RAB6B: variants seen among roughly 807,000 people sequenced by gnomAD.
RAB6B encodes the protein RAB6B, member RAS oncogene family.
Under a neutral mutation model 31.2 loss-of-function variants are expected in RAB6B, and 7 were observed. That is an observed-to-expected ratio of 0.22 (90% CI 0.13 to 0.42). The LOEUF (loss-of-function observed/expected upper bound fraction) is 0.42. RAB6B is among the 10% of genes least tolerant of loss of function. The probability of loss-of-function intolerance (pLI) is 1.00; values close to 1 mark genes in which losing one functional copy is unlikely to be tolerated. For synonymous variants in RAB6B, 105 were observed against 104.9 expected, an observed-to-expected ratio of 1.00 and a Z score of -0.01; for missense variants, 149 against 280.6, an observed-to-expected ratio of 0.53 and a Z score of 3.35.
At chr3:133,889,168 C>A (rs1254246880) in intron 1 of RAB6B, among the ~76,000 whole-genome samples, 2 of 151,908 alleles carry the variant, frequency 1.3e-5, no homozygotes, top group Non-Finnish European at 2.9e-5. Context: ...AACCAGACAG[C>A]CCTACACATT....
intron 2 of RAB6B, among the ~76,000 whole-genome samples, chr3:133,859,004 G>A (rs1936121518): frequency 6.6e-6 from 1 of 152,090 alleles, no homozygotes; most frequent in Non-Finnish European, 1.5e-5. Flanking sequence ...ATTGAAATAG[G>A]GTCTTGCTCT....
chr3:133,878,162 T>C (rs994853682), intron 1 of RAB6B, among the ~76,000 whole-genome samples: 9 of 151,858 alleles, frequency 5.9e-5, no homozygotes, highest in Non-Finnish European at 1.3e-4. Context: ...TACTCCAAAA[T>C]TAAAGAAAAC....
chr3:133,853,690 G>A (rs1411208192), intron 2 of RAB6B, among the ~76,000 whole-genome samples: 4 of 152,050 alleles, frequency 2.6e-5, no homozygotes, highest in Admixed American at 2.6e-4. Flanking sequence ...CACCAACACT[G>A]GATTGGGAGT....
intron 4 of RAB6B, among the ~76,000 whole-genome samples, chr3:133,840,077 G>C (rs887425870): frequency 6.6e-6 from 1 of 152,092 alleles, no homozygotes; most frequent in Non-Finnish European, 1.5e-5. Flanking sequence ...CTCTAGGGAA[G>C]GAAGGGCCCT....
intron 1 of RAB6B, among the ~76,000 whole-genome samples, chr3:133,893,766 C>G (rs1479400478): frequency 1.3e-5 from 2 of 152,168 alleles, no homozygotes; most frequent in Non-Finnish European, 2.9e-5. Context: ...AACCCCCAGG[C>G]TGCCTGATCC....
At chr3:133,889,415 TATATATATATATATATATATATA>T (rs1936602098) in intron 1 of RAB6B, among the ~76,000 whole-genome samples, 1 of 57,522 alleles carries the variant, frequency 1.7e-5, no homozygotes, top group African/African-American at 7.2e-5. Flanking sequence ...TATATATATA[TATATATATATATATATATATATA>T]TATATATTTA....
chr3:133,854,522 G>A (rs1936047449), intron 2 of RAB6B, among the ~76,000 whole-genome samples: 2 of 152,208 alleles, frequency 1.3e-5, no homozygotes, highest in Non-Finnish European at 2.9e-5. Flanking sequence ...AGAAGGCTGA[G>A]CTGCACTCTG....
In RAB6B at chr3:133,827,652, GCAA is replaced by G. The variant is rs1036050054; in HGVS notation, c.*1133_*1135del. 2 of 543,224 alleles carry G rather than the reference GCAA, an allele frequency of 3.7e-6. No homozygotes were observed. Among genetic ancestry groups the G allele is most frequent in the African/African-American group, 3.8e-5 (2 of 52,210 alleles). 33.7% of individuals were successfully genotyped at this position (543,224 alleles called of 1,614,324 possible). On this transcript the variant is annotated 3_prime_UTR_variant, in exon 8 of 8. Transcript: ENST00000285208. ...GCCATGCCACTGGGGTGAAAACATA[GCAA>G]CAAATCAGCTTTTCCAGAAAGCACT...
At chr3:133,850,281 G>C (rs1447977239) in intron 2 of RAB6B, among the ~76,000 whole-genome samples, 1 of 152,078 alleles carries the variant, frequency 6.6e-6, no homozygotes, top group Non-Finnish European at 1.5e-5. Context: ...AGAATCCACA[G>C]TTTTAACATA....
intron 2 of RAB6B, among the ~76,000 whole-genome samples, chr3:133,862,330 C>T (rs778514960): frequency 9.2e-5 from 14 of 152,186 alleles, no homozygotes; most frequent in Non-Finnish European, 1.8e-4. Context: ...GTGCTAGACT[C>T]ATGAATGCAG....
At chr3:133,890,595 A>G (rs1936623773) in intron 1 of RAB6B, among the ~76,000 whole-genome samples, 1 of 152,168 alleles carries the variant, frequency 6.6e-6, no homozygotes, top group Admixed American at 6.5e-5. Context: ...TGGCTTAAAA[A>G]AGCAGCAGGT....
At position 133,838,203 on chromosome 3, in the gene RAB6B, A is replaced by G. The variant is rs746640270; in HGVS notation, c.458T>C (p.Ile153Thr). Residue 153 changes from isoleucine to threonine, a missense_variant, in exon 6 of 8, where the codon ATT becomes ACT. Ile to Thr is a moderately conservative substitution (Grantham distance 89). Coordinates refer to ENST00000285208, the MANE Select transcript of RAB6B (RefSeq NM_016577.4). ...GTAGCCAGTCTTCGCACTGGTCTCAATGAACATGACGCTCAGTTCTTTGGC... is the reference window on the plus strand; with the variant it reads ...GTAGCCAGTCTTCGCACTGGTCTCAGTGAACATGACGCTCAGTTCTTTGGC... The part of the protein sequence containing the change: ...QRAKELSVMF[I>T]ETSAKTGYNV... The G allele has an allele frequency of 5.5e-5, 88 of 1,614,218 alleles. No individual in the cohort carries two copies. The highest frequency in any genetic ancestry group is 7.2e-5 in the Non-Finnish European group (85 of 1,180,030).
chr3:133,858,130 C>T lies in RAB6B; in HGVS notation c.129+6454G>A, dbSNP rs3927302. Among the ~76,000 whole-genome samples the T allele has an allele frequency of 1.6e-3, 249 of 152,298 alleles. 2 individuals are homozygous for T. Among genetic ancestry groups the T allele is most frequent in the African/African-American group, 5.8e-3 (242 of 41,574 alleles). On this transcript the variant is annotated intron_variant, in intron 2 of 7. Transcript: ENST00000285208. ...CCCTTCCTACCCAGGGATCCCAACCCGCCCTCGGGCCTTCCACAGTCCCAG... is the reference window on the plus strand; with the variant it reads ...CCCTTCCTACCCAGGGATCCCAACCTGCCCTCGGGCCTTCCACAGTCCCAG...
chr3:133,889,389 TA>T (rs375387212), intron 1 of RAB6B, among the ~76,000 whole-genome samples: 12,934 of 23,502 alleles, frequency 0.55, 1,670 homozygotes, highest in East Asian at 0.66. Context: ...GTTATTTTGT[TA>T]TATATATATA....
chr3:133,845,678 C>T (rs919035152), intron 2 of RAB6B, among the ~76,000 whole-genome samples: 1 of 152,132 alleles, frequency 6.6e-6, no homozygotes, highest in Admixed American at 6.5e-5. Flanking sequence ...AAACAACACT[C>T]TTCAGAGGAA....
At chr3:133,866,448 G>A (rs951973780) in intron 1 of RAB6B, among the ~76,000 whole-genome samples, 1 of 152,140 alleles carries the variant, frequency 6.6e-6, no homozygotes, top group African/African-American at 2.4e-5. Flanking sequence ...TGACCACCAC[G>A]CCAACTCTGG....
At chr3:133,890,044 C>T (rs1053672094) in intron 1 of RAB6B, among the ~76,000 whole-genome samples, 2 of 152,162 alleles carry the variant, frequency 1.3e-5, no homozygotes, top group African/African-American at 4.8e-5. Flanking sequence ...CCAACCTCCA[C>T]AAAGGTGCCC....
At chr3:133,883,601 C>T (rs1021937213) in intron 1 of RAB6B, among the ~76,000 whole-genome samples, 1 of 152,174 alleles carries the variant, frequency 6.6e-6, no homozygotes, top group Non-Finnish European at 1.5e-5. Context: ...TCCCCAGTGC[C>T]CCTTGCTTCC....
chr3:133,860,969 A>C (rs974174085), intron 2 of RAB6B, among the ~76,000 whole-genome samples: 1 of 152,218 alleles, frequency 6.6e-6, no homozygotes, highest in African/African-American at 2.4e-5. Context: ...GGCAGCCAGG[A>C]GTGATAGAGG....
Sources: allele counts gnomAD v4.1 joint callset (sites outside exome capture counted in the v4.1 genomes callset), GRCh38; gene constraint gnomAD v4.1.1; transcripts MANE v1.5; gene names NCBI Gene and HGNC (gene_info 2026-07-23, HGNC 2026-07-21).